Variants in STON1 observed in about 807,000 individuals in gnomAD.
The protein encoded by STON1 is stonin-1.
In STON1, 79 loss-of-function variants were observed where a neutral mutation model predicts 60.9. The ratio of observed to expected loss-of-function variants is 1.30; its 90% CI spans 1.08 to 1.56. The LOEUF (loss-of-function observed/expected upper bound fraction) is 1.56, where lower values mean the gene tolerates loss of function less well. STON1 is among the 40% of genes most tolerant of loss of function. The pLI is 0.00. For synonymous variants in STON1, 363 were observed against 306.9 expected (o/e 1.18, Z -1.91); for missense variants, 1,166 against 858.9 (o/e 1.36, Z -4.47).
intron 1 of STON1, among the ~76,000 whole-genome samples, chr2:48,569,797 G>C (rs925922277): frequency 6.6e-6 from 1 of 152,194 alleles, no homozygotes; most frequent in Admixed American, 6.5e-5. Flanking sequence ...GCTCAGACCA[G>C]AAGTGTTTTA....
At chr2:48,548,709 A>AT (rs1358499722) in intron 1 of STON1, among the ~76,000 whole-genome samples, 5 of 152,036 alleles carry the variant, frequency 3.3e-5, no homozygotes, top group African/African-American at 9.7e-5. Flanking sequence ...CATGTTGCCC[A>AT]GGCTGGTCTT....
chr2:48,592,876 A>G (rs1674603209), intron 3 of STON1, among the ~76,000 whole-genome samples: 1 of 151,956 alleles, frequency 6.6e-6, no homozygotes, highest in African/African-American at 2.4e-5. Flanking sequence ...CGGCCTCCCA[A>G]AGTGCTGGGA....
intron 1 of STON1, among the ~76,000 whole-genome samples, chr2:48,562,692 C>T (rs142681009): frequency 1.3e-5 from 2 of 152,192 alleles, no homozygotes; most frequent in Admixed American, 1.3e-4. Flanking sequence ...TGGGTTGAGC[C>T]TTTGCTGTGG....
chr2:48,563,992 C>A (rs1259534127), intron 1 of STON1, among the ~76,000 whole-genome samples: 1 of 152,112 alleles, frequency 6.6e-6, no homozygotes, highest in Non-Finnish European at 1.5e-5. Flanking sequence ...AGCCACCACG[C>A]CTGCCCTCCA....
chr2:48,595,915 C>T lies in STON1; in HGVS notation c.*613C>T, dbSNP rs1245164772. The T allele has an allele frequency of 6.6e-6, 1 of 152,158 alleles. No homozygotes were observed. The highest frequency in any genetic ancestry group is 1.5e-5 in the Non-Finnish European group (1 of 68,060). The allele number at this position is 152,158 out of a possible 1,614,324, so 9.4% of individuals were successfully genotyped here. A position where few individuals can be genotyped will look rare whatever the true frequency, so the allele number is the denominator to read the frequency against. On this transcript the variant is annotated 3_prime_UTR_variant, in exon 4 of 4. Coordinates refer to ENST00000404752, the MANE Select transcript of STON1 (RefSeq NM_006873.4). ...ACCTGTCTCTCTCCTACTGTATTGT[C>T]ATTTTCAAAATGTGTTTGTTTTCTG...
At chr2:48,566,288 G>GC (rs1200171021) in intron 1 of STON1, among the ~76,000 whole-genome samples, 1 of 152,122 alleles carries the variant, frequency 6.6e-6, no homozygotes, top group African/African-American at 2.4e-5. Flanking sequence ...TGATTCTCCT[G>GC]CCTCAGCTTC....
At chr2:48,594,977 G>T (rs543440675) in intron 3 of STON1, among the ~76,000 whole-genome samples, 2 of 151,986 alleles carry the variant, frequency 1.3e-5, no homozygotes, top group Non-Finnish European at 2.9e-5. Flanking sequence ...TAAAAACTAC[G>T]TTTGACTTAG....
chr2:48,578,870 C>T (rs973210428), intron 1 of STON1, among the ~76,000 whole-genome samples: 3 of 150,398 alleles, frequency 2.0e-5, no homozygotes, highest in African/African-American at 4.9e-5. Flanking sequence ...GGATTATAGG[C>T]GTGAGCCACT....
At chr2:48,559,735 C>A (rs762517223) in intron 1 of STON1, among the ~76,000 whole-genome samples, 1 of 152,172 alleles carries the variant, frequency 6.6e-6, no homozygotes, top group Non-Finnish European at 1.5e-5. Flanking sequence ...TCCTACCATA[C>A]CACCAGGGAA....
intron 1 of STON1, among the ~76,000 whole-genome samples, chr2:48,561,282 C>T (rs1465584345): frequency 6.6e-6 from 1 of 152,214 alleles, no homozygotes; most frequent in Admixed American, 6.5e-5. Context: ...AGATGCCCCA[C>T]TCTCCTTTGT....
chr2:48,558,601 G>A (rs959784478), intron 1 of STON1, among the ~76,000 whole-genome samples: 1 of 152,312 alleles, frequency 6.6e-6, no homozygotes, highest in African/African-American at 2.4e-5. Context: ...TGCTTACTGG[G>A]GTGAATAAAG....
intron 1 of STON1, among the ~76,000 whole-genome samples, chr2:48,547,546 G>A (rs1175678832): frequency 6.6e-6 from 1 of 152,192 alleles, no homozygotes; most frequent in African/African-American, 2.4e-5. Context: ...GGTCAAAGCT[G>A]GCCTGAGATC....
At chr2:48,576,871 G>A (rs1294355578) in intron 1 of STON1, among the ~76,000 whole-genome samples, 4 of 150,920 alleles carry the variant, frequency 2.7e-5, no homozygotes, top group Non-Finnish European at 5.9e-5. Context: ...TGGCTAACAC[G>A]GTGAAACCCT....
chr2:48,580,527 G>A, intron 1 of STON1, 60 bp from the exon 2 acceptor site: 1 of 1,289,656 alleles, frequency 7.8e-7, no homozygotes, highest in Non-Finnish European at 9.9e-7. Context: ...AAGACATTTA[G>A]TAATGATTCC....
rs1271572784 is a variant in STON1 at position 48,582,111 on chromosome 2, T to G, written c.1478T>G (p.Val493Gly). ...LDYHFHKCVN[V>G]QEFEQSRIIK... ...TACCATTTTCATAAGTGTGTGAATG[T>G]ACAAGAATTTGAGCAATCAAGAATC... Residue 493 changes from valine (V) to glycine (G), a missense_variant, in exon 2 of 4, where the codon GTA (valine) becomes GGA (glycine). Transcript: ENST00000404752. 1 of 1,614,240 alleles carries G rather than the reference T, an allele frequency of 6.2e-7. No homozygotes were observed. The highest frequency in any genetic ancestry group is 8.5e-7 in the Non-Finnish European group (1 of 1,180,034).
At chr2:48,550,949 TTTTTC>T (rs1287429783) in intron 1 of STON1, among the ~76,000 whole-genome samples, 1 of 152,014 alleles carries the variant, frequency 6.6e-6, no homozygotes, top group Non-Finnish European at 1.5e-5. Flanking sequence ...GCATTCACTC[TTTTTC>T]TTTTCTTTTT....
At chr2:48,553,977 C>G (rs1256404639) in intron 1 of STON1, among the ~76,000 whole-genome samples, 2 of 152,202 alleles carry the variant, frequency 1.3e-5, no homozygotes, top group Non-Finnish European at 2.9e-5. Context: ...ACCCAAAGGA[C>G]TTCTGTGTGC....
intron 1 of STON1, among the ~76,000 whole-genome samples, chr2:48,565,876 A>G (rs778822044): frequency 2.6e-5 from 4 of 152,222 alleles, no homozygotes; most frequent in Non-Finnish European, 4.4e-5. Flanking sequence ...TATAGCATCT[A>G]TGGCAGTGAC....
chr2:48,594,071 A>G (rs1674671005), intron 3 of STON1, among the ~76,000 whole-genome samples: 1 of 152,174 alleles, frequency 6.6e-6, no homozygotes, highest in African/African-American at 2.4e-5. Context: ...AGAAGCCTTC[A>G]TTCTGACTAC....
Sources: allele counts gnomAD v4.1 joint callset (sites outside exome capture counted in the v4.1 genomes callset), GRCh38; gene constraint gnomAD v4.1.1; transcripts MANE v1.5; gene names NCBI Gene and HGNC (gene_info 2026-07-23, HGNC 2026-07-21).